The following TBC1D32 variants were observed in gnomAD, a reference collection of about 807,000 sequenced individuals.
The protein encoded by TBC1D32 is TBC1 domain family member 32, also known as protein broad-minded.
TBC1D32 carries 151 observed loss-of-function variants against 170.3 expected under a neutral mutation model. The ratio of observed to expected loss-of-function variants is 0.89; its 90% confidence interval spans 0.78 to 1.01. The LOEUF is 1.01. Among genes scored for constraint, TBC1D32 ranks in the 50% least tolerant of loss-of-function variants. The pLI is 0.00. For missense variants in TBC1D32, 1,464 were observed against 1,457.1 expected (o/e 1.00, Z -0.08); for synonymous variants, 498 against 488.0 (o/e 1.02, Z -0.27).
intron 2 of TBC1D32, among the ~76,000 whole-genome samples, chr6:121,318,888 G>T (rs541595676): frequency 6.6e-6 from 1 of 150,958 alleles, no homozygotes; most frequent in African/African-American, 2.4e-5. Context: ...TGAATAATGC[G>T]TCATTGCAAC....
intron 25 of TBC1D32, among the ~76,000 whole-genome samples, chr6:121,127,530 G>A (rs767115032): frequency 6.6e-6 from 1 of 152,042 alleles, no homozygotes; most frequent in Non-Finnish European, 1.5e-5. Flanking sequence ...TGCTTAGACT[G>A]GTTCTATCTT....
intron 29 of TBC1D32, 178 bp downstream of exon 29, chr6:121,112,327 G>A (rs1381640327): frequency 4.2e-6 from 2 of 473,116 alleles, no homozygotes; most frequent in Non-Finnish European, 7.0e-6. Context: ...AAGACACCAA[G>A]TATTTGAGAA....
intron 30 of TBC1D32, 104 bp from the exon 31 acceptor site, chr6:121,091,145 A>T (rs1776760841): frequency 3.2e-6 from 3 of 927,458 alleles, no homozygotes; most frequent in Non-Finnish European, 4.8e-6. Context: ...TGAAAAGCTT[A>T]GGGCTTAATC....
intron 22 of TBC1D32, among the ~76,000 whole-genome samples, chr6:121,161,638 A>T (rs1198611902): frequency 6.6e-6 from 1 of 152,178 alleles, no homozygotes; most frequent in Non-Finnish European, 1.5e-5. Flanking sequence ...TAGTGCTGCA[A>T]TGAACATAAG....
At chr6:121,211,116 C>T (rs190573746) in intron 21 of TBC1D32, among the ~76,000 whole-genome samples, 6 of 151,842 alleles carry the variant, frequency 4.0e-5, no homozygotes, top group Admixed American at 3.9e-4. Flanking sequence ...AACTCTAGCA[C>T]ATCCACATAA....
intron 12 of TBC1D32, among the ~76,000 whole-genome samples, chr6:121,287,428 G>A (rs899096284): frequency 6.6e-6 from 1 of 151,994 alleles, no homozygotes; most frequent in Admixed American, 6.6e-5. Context: ...AATGGTAAAG[G>A]GATCAATTCA....
chr6:121,171,816 A>G (rs1277405735), intron 22 of TBC1D32, among the ~76,000 whole-genome samples: 2 of 152,144 alleles, frequency 1.3e-5, no homozygotes, highest in Non-Finnish European at 2.9e-5. Context: ...ACATATCATG[A>G]GAATGCTAGG....
rs1775488969 is a variant in TBC1D32 at position 121,080,020 on chromosome 6, G to C, written c.*751C>G. 6.6e-6 allele frequency: 1 copy of C among 152,076 alleles called. No homozygotes were observed. The highest frequency in any genetic ancestry group is 6.5e-5 in the Admixed American group (1 of 15,268). The allele number at this position is 152,076 out of a possible 1,614,324, so 9.4% of individuals were successfully genotyped here. On this transcript the variant is annotated 3_prime_UTR_variant, in exon 32 of 32. Transcript: ENST00000398212. ...AAATAGTATCATTGTTCTTCCACAT[G>C]TAAAAGAAGCAGCTGTAGTTTTATC...
rs1221471300 is a variant in TBC1D32 at position 121,231,147 on chromosome 6, C to G, written c.2365-7795G>C. On this transcript the variant is annotated intron_variant, in intron 20 of 31. Coordinates refer to ENST00000398212, the MANE Select transcript of TBC1D32 (RefSeq NM_152730.6). ...TTTGCATAAGGTGAAAGAGGAAGAT[C>G]CAGTTTCATTCTTCTACATGTGGCT... Among the ~76,000 whole-genome samples the G allele has an allele frequency of 4.6e-5, 7 of 152,094 alleles. No individual in the cohort carries two copies. The South Asian group carries it at 8.3e-4, about 18-fold the overall frequency.
rs554705402 is a variant in TBC1D32, at chr6:121,181,123, A to G, written c.2571-20067T>C. ...GGTGAGGATGCAGAGAAAGGGGAAC[A>G]TTCATACACTATTGGTGGGAATGTA... On this transcript the variant is annotated intron_variant, in intron 22 of 31. Coordinates refer to ENST00000398212, the MANE Select transcript of TBC1D32 (RefSeq NM_152730.6). Among the ~76,000 whole-genome samples the G allele has an allele frequency of 6.6e-5, 10 of 152,270 alleles. No homozygotes were observed. In the East Asian group the frequency reaches 1.5e-3, roughly 24 times the overall value.
At chr6:121,104,993 A>C (rs894725672) in intron 30 of TBC1D32, among the ~76,000 whole-genome samples, 27 of 152,026 alleles carry the variant, frequency 1.8e-4, no homozygotes, top group African/African-American at 6.3e-4. Flanking sequence ...TGATAGGCTT[A>C]TTCTTACTCA....
At chr6:121,309,684 T>C (rs938537401) in intron 4 of TBC1D32, among the ~76,000 whole-genome samples, 3 of 152,208 alleles carry the variant, frequency 2.0e-5, no homozygotes, top group Non-Finnish European at 4.4e-5. Context: ...AACAGTGATT[T>C]GTACAATCTC....
chr6:121,161,023 T>C lies in TBC1D32; in HGVS notation c.2604A>G (p.Arg868=), dbSNP rs915929040. The change falls in exon 23 of 32, where the codon AGA becomes AGG. Residue 868 remains arginine, a synonymous_variant. Coordinates refer to ENST00000398212, the MANE Select transcript of TBC1D32 (RefSeq NM_152730.6). ...GATTTATTCTAACAAGAACATGATTTCTCTCCACTGATAAGCCATCAATTA... is the reference window on the plus strand; with the variant it reads ...GATTTATTCTAACAAGAACATGATTCCTCTCCACTGATAAGCCATCAATTA... The part of the protein sequence containing the change: ...DFIIDGLSVE[R]NHVLVRINLV... 5 of 1,613,328 alleles carry C rather than the reference T, an allele frequency of 3.1e-6. No homozygotes were observed. The Admixed American group carries it at 5.0e-5, about 16-fold the overall frequency.
chr6:121,334,440 A>C lies in TBC1D32; in HGVS notation c.-10T>G. On this transcript the variant is annotated 5_prime_UTR_variant, in exon 1 of 32. Coordinates refer to ENST00000398212, the MANE Select transcript of TBC1D32 (RefSeq NM_152730.6). ...TGGAGAAATGGGCCATCCTGTTGGA[A>C]TCAAACGTCCACTCTCATTACTCCA... 6.2e-7 allele frequency: 1 copy of C among 1,611,850 alleles called. No homozygotes were observed. Among genetic ancestry groups the C allele is most frequent in the Non-Finnish European group, 8.5e-7 (1 of 1,178,790 alleles).
chr6:121,195,752 G>A (rs1184792324), intron 22 of TBC1D32, among the ~76,000 whole-genome samples: 1 of 152,142 alleles, frequency 6.6e-6, no homozygotes, highest in Admixed American at 6.5e-5. Flanking sequence ...TTCACAGATG[G>A]TTCTGCACGA....
At chr6:121,194,995 C>A (rs1484333801) in intron 22 of TBC1D32, among the ~76,000 whole-genome samples, 1 of 152,170 alleles carries the variant, frequency 6.6e-6, no homozygotes, top group African/African-American at 2.4e-5. Flanking sequence ...TGGGGCCTGT[C>A]GAGATATTAC....
At chr6:121,152,971 G>A (rs1442494713) in intron 24 of TBC1D32, among the ~76,000 whole-genome samples, 1 of 152,134 alleles carries the variant, frequency 6.6e-6, no homozygotes, top group Admixed American at 6.5e-5. Flanking sequence ...GGAGGAGTTT[G>A]TTATTACCCA....
chr6:121,267,143 TC>T (rs1800629410), intron 15 of TBC1D32, among the ~76,000 whole-genome samples: 2 of 111,128 alleles, frequency 1.8e-5, no homozygotes, highest in South Asian at 2.8e-4. Context: ...AAAAAAAAGG[TC>T]GGGGGGAGGT....
chr6:121,117,538 C>A (rs1486509315), intron 26 of TBC1D32, among the ~76,000 whole-genome samples: 6 of 152,036 alleles, frequency 3.9e-5, no homozygotes, highest in Non-Finnish European at 5.9e-5. Flanking sequence ...CTGGTCTCTA[C>A]TAAAAATACA....
Sources: gnomAD v4.1 joint callset for allele counts (sites outside exome capture counted in the v4.1 genomes callset) on GRCh38, gnomAD v4.1.1 for gene constraint, MANE v1.5 for transcripts, NCBI Gene and HGNC (gene_info 2026-07-23, HGNC 2026-07-21) for gene names.